The following LRBA variants were observed in gnomAD, a reference collection of about 807,000 sequenced individuals.
The protein encoded by LRBA is lipopolysaccharide-responsive and beige-like anchor protein.
In LRBA, 176 loss-of-function variants were observed where a neutral mutation model predicts 330.0. The ratio of observed to expected loss-of-function variants is 0.53; its 90% confidence interval spans 0.47 to 0.60. The LOEUF (loss-of-function observed/expected upper bound fraction) is 0.60, where lower values mean the gene tolerates loss of function less well. Ranked by LOEUF, LRBA falls within the 20% of genes least tolerant of loss-of-function variation. The pLI, the probability that LRBA is intolerant of heterozygous loss-of-function variation, is 0.00. For missense variants in LRBA, 3,259 were observed against 3,444.8 expected, an observed-to-expected ratio of 0.95 and a Z score of 1.35; for synonymous variants, 1,230 against 1,193.0, an observed-to-expected ratio of 1.03 and a Z score of -0.64.
intron 37 of LRBA, among the ~76,000 whole-genome samples, chr4:150,645,111 GT>G (rs1264478028): frequency 2.1e-5 from 3 of 140,962 alleles, no homozygotes; most frequent in Non-Finnish European, 3.1e-5. Context: ...TCAAAAAAAA[GT>G]TTTTTTTTCT....
chr4:150,683,974 C>T, intron 36 of LRBA: 2 of 331,262 alleles, frequency 6.0e-6, no homozygotes, highest in Admixed American at 4.5e-5. Context: ...GAGACAAAGA[C>T]AGTCTTGTAA....
At chr4:150,958,854 C>T (rs1213424639) in intron 2 of LRBA, among the ~76,000 whole-genome samples, 4 of 149,172 alleles carry the variant, frequency 2.7e-5, no homozygotes, top group South Asian at 2.1e-4. Flanking sequence ...TGGACTTTAT[C>T]GTCCATTTCA....
chr4:150,734,163 G>A (rs1201594606), intron 36 of LRBA, among the ~76,000 whole-genome samples: 1 of 151,852 alleles, frequency 6.6e-6, no homozygotes, highest in Non-Finnish European at 1.5e-5. Flanking sequence ...TTTTAATACG[G>A]CTGGCAGCTA....
At chr4:150,315,500 T>C (rs373973940) in intron 51 of LRBA, 61 bp downstream of exon 51, 36 of 1,366,630 alleles carry the variant, frequency 2.6e-5, no homozygotes, top group Middle Eastern at 3.6e-4. Flanking sequence ...AACTGTAATC[T>C]ACACTTCAGG....
intron 42 of LRBA, among the ~76,000 whole-genome samples, chr4:150,473,019 T>C (rs1213595645): frequency 6.6e-6 from 1 of 152,116 alleles, no homozygotes; most frequent in Non-Finnish European, 1.5e-5. Context: ...TGCTAGGTTG[T>C]ATGTTGAGTT....
At chr4:150,489,065 A>T (rs1349266032) in intron 41 of LRBA, among the ~76,000 whole-genome samples, 1 of 115,340 alleles carries the variant, frequency 8.7e-6, no homozygotes, top group Non-Finnish European at 1.7e-5. Flanking sequence ...AAGAATATAT[A>T]ATATATTATA....
rs199900305 is a variant in LRBA at position 150,889,295 on chromosome 4, A to G, written c.2165+3757T>C. Among the ~76,000 whole-genome samples the G allele has an allele frequency of 8.5e-5, 13 of 152,256 alleles. No homozygotes were observed. In the East Asian group the frequency reaches 2.5e-3, roughly 29 times the overall value. On this transcript the variant is annotated intron_variant, in intron 17 of 56. Transcript: ENST00000651943. ...TGCCAAGATTTGATTTTCCACAAAA[A>G]AAAAAAAAATTGCAACCTCTGGCAT...
At chr4:150,471,562 A>C in intron 43 of LRBA, 62 bp downstream of exon 43, 1 of 955,966 alleles carries the variant, frequency 1.0e-6, no homozygotes, top group Non-Finnish European at 1.6e-6. Flanking sequence ...ACTTAAAATA[A>C]TCTAACAATT....
chr4:150,756,490 A>C (rs1436364497), intron 35 of LRBA, among the ~76,000 whole-genome samples: 3 of 152,224 alleles, frequency 2.0e-5, no homozygotes, highest in Non-Finnish European at 4.4e-5. Flanking sequence ...AATAAGAAAA[A>C]ACATTCAAGA....
chr4:150,584,201 CT>C, intron 40 of LRBA: 1 of 1,357,288 alleles, frequency 7.4e-7, no homozygotes, highest in Non-Finnish European at 9.6e-7. Context: ...TGGACACAAA[CT>C]TTTATGTAAG....
chr4:150,634,966 A>C (rs565478746), intron 37 of LRBA, among the ~76,000 whole-genome samples: 1 of 152,342 alleles, frequency 6.6e-6, no homozygotes, highest in African/African-American at 2.4e-5. Flanking sequence ...TTGACCTCTC[A>C]GGGAAAGGCA....
chr4:151,009,020 TATATATAA>T (rs1322053408), intron 2 of LRBA, among the ~76,000 whole-genome samples: 1,732 of 22,566 alleles, frequency 0.077, 526 homozygotes, highest in Middle Eastern at 0.18. Context: ...TATATATATA[TATATATAA>T]AATGGTATTT....
intron 35 of LRBA, among the ~76,000 whole-genome samples, chr4:150,756,205 T>C (rs1479508440): frequency 1.3e-5 from 2 of 152,140 alleles, no homozygotes; most frequent in African/African-American, 2.4e-5. Flanking sequence ...CAACAAATCA[T>C]TACAAATTTC....
chr4:150,299,273 A>T (rs1411746613), intron 53 of LRBA, among the ~76,000 whole-genome samples: 3 of 152,080 alleles, frequency 2.0e-5, no homozygotes, highest in African/African-American at 7.2e-5. Context: ...CATTTTTTAA[A>T]TCCCTAATTA....
chr4:150,806,703 T>A (rs1742848445), intron 32 of LRBA, among the ~76,000 whole-genome samples: 1 of 152,080 alleles, frequency 6.6e-6, no homozygotes, highest in South Asian at 2.1e-4. Flanking sequence ...AGGCCCATTA[T>A]AATCTAAACA....
At chr4:151,011,594 T>C (rs1213607783) in intron 2 of LRBA, among the ~76,000 whole-genome samples, 2 of 111,446 alleles carry the variant, frequency 1.8e-5, no homozygotes, top group Non-Finnish European at 3.6e-5. Flanking sequence ...TGAGACTCTA[T>C]CTCAAAAAAA....
rs1349402867 is a variant in LRBA, at chr4:150,761,005, CCAA to C, written c.5645+775_5645+777del. The stretch of plus-strand genomic sequence containing the variant: ...CCAAAGGACTGATAGGGTCAATCTT[CCAA>C]CAACATTACCTAAAACACTAATCGA... On this transcript the variant is annotated intron_variant, in intron 35 of 56. Coordinates refer to ENST00000651943, the MANE Select transcript of LRBA (RefSeq NM_001364905.1). Among the ~76,000 whole-genome samples, 3 of 152,132 alleles carry C rather than the reference CCAA, an allele frequency of 2.0e-5. No homozygotes were observed. In the East Asian group the frequency reaches 5.8e-4, roughly 29 times the overall value.
intron 47 of LRBA, among the ~76,000 whole-genome samples, chr4:150,389,054 A>T (rs1456271397): frequency 6.6e-6 from 1 of 152,216 alleles, no homozygotes; most frequent in Non-Finnish European, 1.5e-5. Flanking sequence ...TCATGGTTCA[A>T]GAAGAATAAC....
intron 34 of LRBA, among the ~76,000 whole-genome samples, chr4:150,791,610 G>A (rs1003422167): frequency 1.3e-5 from 2 of 152,142 alleles, no homozygotes; most frequent in African/African-American, 4.8e-5. Context: ...GACAGCATTT[G>A]AACTGAGCCT....
Sources: allele counts gnomAD v4.1 joint callset (sites outside exome capture counted in the v4.1 genomes callset), GRCh38; gene constraint gnomAD v4.1.1; transcripts MANE v1.5; gene names NCBI Gene and HGNC (gene_info 2026-07-23, HGNC 2026-07-21).